PRKG1: variants seen among roughly 807,000 people sequenced by gnomAD.
PRKG1 encodes the protein protein kinase cGMP-dependent 1.
In PRKG1, 35 loss-of-function variants were observed where a neutral mutation model predicts 88.1. The ratio of observed to expected loss-of-function variants is 0.40; its 90% CI spans 0.30 to 0.53. PRKG1 has a LOEUF of 0.53. Ranked by LOEUF, PRKG1 falls within the 20% of genes least tolerant of loss-of-function variation. The pLI, the probability that PRKG1 is intolerant of heterozygous loss-of-function variation, is 0.59. For missense variants in PRKG1, 540 were observed against 839.8 expected, an observed-to-expected ratio of 0.64 and a Z score of 4.41; for synonymous variants, 303 against 292.5, an observed-to-expected ratio of 1.04 and a Z score of -0.37.
chr10:52,094,177 A>G (rs973226557), intron 7 of PRKG1, among the ~76,000 whole-genome samples: 2 of 152,142 alleles, frequency 1.3e-5, no homozygotes, highest in Non-Finnish European at 2.9e-5. Flanking sequence ...TTGTAGTTGT[A>G]TTATGCTTGA....
chr10:52,009,287 C>T (rs1027796126), intron 5 of PRKG1, among the ~76,000 whole-genome samples: 6 of 152,030 alleles, frequency 3.9e-5, no homozygotes, highest in Non-Finnish European at 8.8e-5. Flanking sequence ...TGTTTCTGCC[C>T]CAAAGGTCCT....
intron 3 of PRKG1, among the ~76,000 whole-genome samples, chr10:51,502,706 T>A (rs915445593): frequency 6.6e-6 from 1 of 152,188 alleles, no homozygotes; most frequent in Non-Finnish European, 1.5e-5. Context: ...AATGAAATCA[T>A]GCATATTATA....
rs947224824 is a variant in PRKG1, at chr10:51,880,317, T to A, written c.699-27190T>A. Among the ~76,000 whole-genome samples the A allele has an allele frequency of 2.4e-4, 37 of 152,060 alleles. 1 individual carries two copies. The highest frequency in any genetic ancestry group is 7.2e-4 in the Admixed American group (11 of 15,266). ...TGAAACTTACATTATGTAATTGAGT[T>A]AGAGCTCAATTATTATGAAGCTTGA... On this transcript the variant is annotated intron_variant, in intron 4 of 17. Transcript: ENST00000373980.
At chr10:51,035,007 T>C (rs1009469662) in intron 1 of PRKG1, among the ~76,000 whole-genome samples, 4 of 151,972 alleles carry the variant, frequency 2.6e-5, no homozygotes, top group African/African-American at 9.7e-5. Context: ...TTTGTGATGG[T>C]TTGTTCTTAT....
chr10:51,816,134 G>A (rs999404327), intron 4 of PRKG1, among the ~76,000 whole-genome samples: 7 of 152,070 alleles, frequency 4.6e-5, no homozygotes, highest in African/African-American at 1.4e-4. Flanking sequence ...TTTTACTGAG[G>A]CAGTAACCAG....
chr10:51,334,019 A>T (rs61852108), intron 2 of PRKG1, among the ~76,000 whole-genome samples: 11,209 of 152,310 alleles, frequency 0.074, 485 homozygotes, highest in Middle Eastern at 0.12. Context: ...TGATTCAGAC[A>T]GCATTTATGA....
chr10:51,624,593 C>T (rs1839289409), intron 3 of PRKG1, among the ~76,000 whole-genome samples: 1 of 152,158 alleles, frequency 6.6e-6, no homozygotes, highest in Non-Finnish European at 1.5e-5. Context: ...ATTATTGCCC[C>T]TTCTGGAAGA....
In PRKG1 at chr10:51,447,891, C is replaced by A. The variant is rs534280844; in HGVS notation, c.479-19832C>A. Among the ~76,000 whole-genome samples, 5 of 152,122 alleles carry A rather than the reference C, an allele frequency of 3.3e-5. No individual in the cohort carries two copies. In the East Asian group the frequency reaches 7.7e-4, roughly 24 times the overall value. ...TGTTCCCTTATCATCTAGCACATGACCATAAAACTCAAAATTACAAATGGC... is the reference window on the plus strand; with the variant it reads ...TGTTCCCTTATCATCTAGCACATGAACATAAAACTCAAAATTACAAATGGC... On this transcript the variant is annotated intron_variant, in intron 2 of 17. Transcript: ENST00000373980.
chr10:51,405,296 A>G (rs1354035557), intron 2 of PRKG1, among the ~76,000 whole-genome samples: 2 of 152,240 alleles, frequency 1.3e-5, no homozygotes, highest in African/African-American at 4.8e-5. Context: ...GCTGTACTTT[A>G]GATCCTAGAG....
intron 7 of PRKG1, among the ~76,000 whole-genome samples, chr10:52,114,183 A>T (rs182766012): frequency 1.3e-5 from 2 of 152,250 alleles, no homozygotes; most frequent in Non-Finnish European, 2.9e-5. Flanking sequence ...CTTTGATCAC[A>T]GCCTCAGAAA....
chr10:51,272,283 C>T (rs1840000407), intron 2 of PRKG1, among the ~76,000 whole-genome samples: 1 of 151,240 alleles, frequency 6.6e-6, no homozygotes, highest in Admixed American at 6.6e-5. Flanking sequence ...CCAAACACCA[C>T]ATGTTCTCAT....
At chr10:51,261,738 T>C (rs1244041515) in intron 2 of PRKG1, among the ~76,000 whole-genome samples, 1 of 2,224 alleles carries the variant, frequency 4.5e-4, no homozygotes, top group Non-Finnish European at 7.9e-4. Context: ...CGAACAAATG[T>C]CTCCAGGGCT....
chr10:51,663,791 TAGAG>T (rs1296715298), intron 3 of PRKG1, among the ~76,000 whole-genome samples: 1 of 151,670 alleles, frequency 6.6e-6, no homozygotes, highest in Admixed American at 6.6e-5. Context: ...TGCAGAAACT[TAGAG>T]AGAATTATTA....
intron 2 of PRKG1, among the ~76,000 whole-genome samples, chr10:51,193,430 T>C (rs911586638): frequency 1.3e-5 from 2 of 152,014 alleles, no homozygotes; most frequent in Admixed American, 6.6e-5. Context: ...TATATAATAA[T>C]GTTAAGAACC....
intron 2 of PRKG1, among the ~76,000 whole-genome samples, chr10:51,239,105 G>A (rs1203500266): frequency 6.6e-6 from 1 of 152,176 alleles, no homozygotes; most frequent in South Asian, 2.1e-4. Flanking sequence ...TACAAGATTG[G>A]AGTTCGGACA....
At chr10:51,640,365 T>C (rs1050643449) in intron 3 of PRKG1, among the ~76,000 whole-genome samples, 1 of 152,244 alleles carries the variant, frequency 6.6e-6, no homozygotes, top group African/African-American at 2.4e-5. Flanking sequence ...TGATTTATAG[T>C]TCTCTCAACA....
intron 1 of PRKG1, among the ~76,000 whole-genome samples, chr10:51,036,937 G>A (rs549107866): frequency 6.6e-6 from 1 of 152,268 alleles, no homozygotes; most frequent in South Asian, 2.1e-4. Flanking sequence ...GAATATCAGA[G>A]AGGATGAATT....
chr10:52,222,032 G>A (rs1035580739), intron 9 of PRKG1, among the ~76,000 whole-genome samples: 1 of 152,294 alleles, frequency 6.6e-6, no homozygotes, highest in East Asian at 1.9e-4. Context: ...GTGGAGATGA[G>A]TGTATTAGGT....
At chr10:51,641,484 C>G (rs1390046230) in intron 3 of PRKG1, among the ~76,000 whole-genome samples, 3 of 152,258 alleles carry the variant, frequency 2.0e-5, no homozygotes, top group African/African-American at 7.2e-5. Context: ...CTGCTGGAGT[C>G]TGTGCTCACA....
Sources: allele counts gnomAD v4.1 joint callset (sites outside exome capture counted in the v4.1 genomes callset), GRCh38; gene constraint gnomAD v4.1.1; transcripts MANE v1.5; gene names NCBI Gene and HGNC (gene_info 2026-07-23, HGNC 2026-07-21).